CAPN9: variants seen among roughly 807,000 people sequenced by gnomAD.
The protein encoded by CAPN9 is calpain-9.
In CAPN9, 81 loss-of-function variants were observed where a neutral mutation model predicts 92.8. That is an observed-to-expected ratio of 0.87 (90% confidence interval 0.73 to 1.05). The LOEUF (loss-of-function observed/expected upper bound fraction) is 1.05, where lower values mean the gene tolerates loss of function less well. Ranked by LOEUF, CAPN9 falls within the 50% of genes least tolerant of loss-of-function variation. The pLI, the probability that CAPN9 is intolerant of heterozygous loss-of-function variation, is 0.00. For missense variants in CAPN9, 848 were observed against 866.2 expected (o/e 0.98, Z 0.26); for synonymous variants, 304 against 328.0 (o/e 0.93, Z 0.79).
intron 1 of CAPN9, among the ~76,000 whole-genome samples, chr1:230,749,125 T>A (rs919795928): frequency 2.6e-5 from 4 of 152,174 alleles, no homozygotes; most frequent in African/African-American, 9.7e-5. Context: ...AGGTGCCATG[T>A]TCATGGGGAA....
chr1:230,751,876 G>A (rs1664868301), intron 1 of CAPN9, among the ~76,000 whole-genome samples: 1 of 147,990 alleles, frequency 6.8e-6, no homozygotes, highest in African/African-American at 2.5e-5. Context: ...GAGGGGGAGG[G>A]GGAGGGGTCT....
chr1:230,777,463 T>A (rs1029937567), intron 8 of CAPN9, among the ~76,000 whole-genome samples: 3 of 151,776 alleles, frequency 2.0e-5, no homozygotes, highest in African/African-American at 7.3e-5. Context: ...CTCCTGCAAC[T>A]CTCTTCTCTC....
At chr1:230,788,040 A>G (rs531108357) in intron 13 of CAPN9, among the ~76,000 whole-genome samples, 9 of 152,252 alleles carry the variant, frequency 5.9e-5, no homozygotes, top group East Asian at 3.9e-4. Flanking sequence ...AATAAATAAT[A>G]AAGAGTCTTG....
chr1:230,771,268 G>A (rs1215634255), intron 6 of CAPN9, among the ~76,000 whole-genome samples: 2 of 152,220 alleles, frequency 1.3e-5, no homozygotes, highest in African/African-American at 2.4e-5. Flanking sequence ...CCAAATGCAT[G>A]AGGATAAAAC....
At chr1:230,747,758 C>G (rs530258197) in intron 1 of CAPN9, 49 bp downstream of exon 1, 220 of 1,535,664 alleles carry the variant, frequency 1.4e-4, no homozygotes, top group Non-Finnish European at 1.9e-4. Flanking sequence ...CGAGGTTCAG[C>G]AGCCCCCGCA....
intron 4 of CAPN9, among the ~76,000 whole-genome samples, chr1:230,764,876 T>C (rs1168954083): frequency 1.3e-5 from 2 of 152,142 alleles, no homozygotes; most frequent in African/African-American, 4.8e-5. Flanking sequence ...TTAACAGAGA[T>C]GGTTATGTAG....
At chr1:230,760,568 G>A (rs1171048891) in intron 3 of CAPN9, among the ~76,000 whole-genome samples, 1 of 152,230 alleles carries the variant, frequency 6.6e-6, no homozygotes, top group Non-Finnish European at 1.5e-5. Flanking sequence ...GGCAAAGAGA[G>A]TGAGCAGGTC....
At chr1:230,800,526 G>A (rs1668666182) in intron 19 of CAPN9, among the ~76,000 whole-genome samples, 1 of 152,108 alleles carries the variant, frequency 6.6e-6, no homozygotes. Context: ...GCAGCTTCAA[G>A]GTAGAAGTGT....
At position 230,767,989 on chromosome 1, in the gene CAPN9, T is replaced by C. The variant is rs28359646; in HGVS notation, c.705+280T>C. 4.4e-3 allele frequency among the ~76,000 whole-genome samples: 654 copies of C among 149,430 alleles called. 19 individuals carry two copies. The East Asian group carries it at 0.074, about 17-fold the overall frequency. ...GTAACAAACCTGCACGTTGTGCACATGTACCCTAAAACTTAAAGTATAATA... is the reference window on the plus strand; with the variant it reads ...GTAACAAACCTGCACGTTGTGCACACGTACCCTAAAACTTAAAGTATAATA... On this transcript the variant is annotated intron_variant, in intron 5 of 19. Coordinates refer to ENST00000271971, the MANE Select transcript of CAPN9 (RefSeq NM_006615.3).
intron 4 of CAPN9, 85 bp from the exon 5 acceptor site, chr1:230,767,456 T>A: frequency 1.8e-6 from 2 of 1,136,472 alleles, no homozygotes; most frequent in Non-Finnish European, 2.5e-6. Flanking sequence ...GCTTCAGGCT[T>A]AGTTAGAAAA....
Position 230,800,236 on chromosome 1 carries a change from AAG to A in CAPN9, c.2047-1332_2047-1331del, listed in dbSNP as rs1558123961. ...AAAGAAAAATAAGAAAGAAAGAAGA[AAG>A]AAAGAAAGAAAGAAAGAAAGAAAGA... On this transcript the variant is annotated intron_variant, in intron 19 of 19. Transcript: ENST00000271971. Among the ~76,000 whole-genome samples, 324 of 51,148 alleles carry A rather than the reference AAG, an allele frequency of 6.3e-3. 21 individuals are homozygous for A. Among genetic ancestry groups the A allele is most frequent in the African/African-American group, 0.026 (314 of 12,138 alleles). The allele number at this position is 51,148 out of a possible 152,430, so 33.6% of individuals were successfully genotyped here.
At chr1:230,768,002 T>C (rs1466543657) in intron 5 of CAPN9, among the ~76,000 whole-genome samples, 2 of 136,940 alleles carry the variant, frequency 1.5e-5, no homozygotes, top group African/African-American at 2.8e-5. Flanking sequence ...ACCCTAAAAC[T>C]TAAAGTATAA....
At chr1:230,769,731 G>A (rs1666267097) in intron 6 of CAPN9, among the ~76,000 whole-genome samples, 2 of 151,218 alleles carry the variant, frequency 1.3e-5, no homozygotes, top group African/African-American at 4.9e-5. Flanking sequence ...CTTATATGGG[G>A]ATTTTCTTCC....
intron 8 of CAPN9, among the ~76,000 whole-genome samples, chr1:230,778,703 C>G (rs541594174): frequency 5.3e-5 from 8 of 152,254 alleles, no homozygotes; most frequent in African/African-American, 1.7e-4. Context: ...GCATCCCACC[C>G]CTACGCTCCC....
chr1:230,751,644 AAAGAAAGAAAGAAAGAAAGAAAGAAAG>A (rs1664828197), intron 1 of CAPN9, among the ~76,000 whole-genome samples: 1 of 94,688 alleles, frequency 1.1e-5, no homozygotes, highest in Non-Finnish European at 2.1e-5. Flanking sequence ...AGAAAGAAAG[AAAGAAAGAAAGAAAGAAAGAAAGAAAG>A]AAAGAAAGAA....
intron 1 of CAPN9, among the ~76,000 whole-genome samples, chr1:230,750,641 C>T (rs1341471149): frequency 6.6e-6 from 1 of 152,180 alleles, no homozygotes; most frequent in East Asian, 1.9e-4. Context: ...CAGCATTACA[C>T]GGTGCACATC....
At chr1:230,757,416 G>A (rs1279751780) in intron 2 of CAPN9, among the ~76,000 whole-genome samples, 2 of 151,904 alleles carry the variant, frequency 1.3e-5, no homozygotes, top group African/African-American at 4.8e-5. Context: ...TTGTCACATT[G>A]GCATAAACAT....
At chr1:230,759,290 T>G (rs1458937296) in intron 2 of CAPN9, among the ~76,000 whole-genome samples, 1 of 152,142 alleles carries the variant, frequency 6.6e-6, no homozygotes, top group African/African-American at 2.4e-5. Flanking sequence ...CCTATAACAG[T>G]GCCAAGAAGG....
At chr1:230,795,353 C>G (rs1258162032) in intron 18 of CAPN9, 74 bp downstream of exon 18, 14 of 867,162 alleles carry the variant, frequency 1.6e-5, no homozygotes, top group Non-Finnish European at 2.7e-5. Flanking sequence ...GCATGAGAAA[C>G]AGCCTGGTTA....
Sources: allele counts gnomAD v4.1 joint callset (sites outside exome capture counted in the v4.1 genomes callset), GRCh38; gene constraint gnomAD v4.1.1; transcripts MANE v1.5; gene names NCBI Gene and HGNC (gene_info 2026-07-23, HGNC 2026-07-21).